The following ZMAT4 variants were observed in gnomAD, a reference collection of about 807,000 sequenced individuals.
The protein encoded by ZMAT4 is zinc finger matrin-type protein 4.
A neutral mutation model predicts 28.7 loss-of-function variants in ZMAT4; 17 were observed. The ratio of observed to expected loss-of-function variants is 0.59; its 90% CI spans 0.41 to 0.89. The LOEUF is 0.89. ZMAT4 is among the 40% of genes least tolerant of loss of function. ZMAT4 has a pLI of 0.00. For synonymous variants in ZMAT4, 117 were observed against 109.2 expected (o/e 1.07, Z -0.44); for missense variants, 240 against 283.8 (o/e 0.85, Z 1.11).
At chr8:40,806,359 T>C (rs953864260) in intron 2 of ZMAT4, among the ~76,000 whole-genome samples, 3 of 152,230 alleles carry the variant, frequency 2.0e-5, no homozygotes, top group African/African-American at 7.2e-5. Flanking sequence ...GCAATGACTT[T>C]ATTTCTTAAT....
Position 40,638,898 on chromosome 8 carries a change from C to T in ZMAT4, c.577+35806G>A, listed in dbSNP as rs180868534. 3.7e-4 allele frequency among the ~76,000 whole-genome samples: 57 copies of T among 152,292 alleles called. No homozygotes were observed. In the Middle Eastern group the frequency reaches 0.014, roughly 36 times the overall value. ...TATAAATATTAAGTCAACAGAAAAG[C>T]TTTTGTGAGTTTACGATAGTTGCAA... is the stretch of plus-strand genomic sequence containing the variant. On this transcript the variant is annotated intron_variant, in intron 5 of 6. Coordinates refer to ENST00000297737, the MANE Select transcript of ZMAT4 (RefSeq NM_024645.3).
In ZMAT4 at chr8:40,531,265, T is replaced by G. The variant is rs1178031757; in HGVS notation, c.*958A>C. ...CTGAGTCTTGGCTCAGCAGTAGGACTTCAGTGAGAAACAGAAGAAATAGGG... is the reference window on the plus strand; with the variant it reads ...CTGAGTCTTGGCTCAGCAGTAGGACGTCAGTGAGAAACAGAAGAAATAGGG... On this transcript the variant is annotated 3_prime_UTR_variant, in exon 7 of 7. Coordinates refer to ENST00000297737, the MANE Select transcript of ZMAT4 (RefSeq NM_024645.3). The G allele has an allele frequency of 1.3e-5, 2 of 152,166 alleles. No homozygotes were observed. The highest frequency in any genetic ancestry group is 6.5e-5 in the Admixed American group (1 of 15,274). 9.4% of individuals were successfully genotyped at this position (152,166 alleles called of 1,614,324 possible).
rs371951408 is a variant in ZMAT4, at chr8:40,799,207, G to GTGGATGGA, written c.102+26360_102+26367dup. Among the ~76,000 whole-genome samples, 120 of 72,608 alleles carry GTGGATGGA rather than the reference G, an allele frequency of 1.7e-3. 1 individual carries two copies. The highest frequency in any genetic ancestry group is 7.2e-3 in the South Asian group (15 of 2,096). The allele number at this position is 72,608 out of a possible 152,430, so 47.6% of individuals were successfully genotyped here. On this transcript the variant is annotated intron_variant, in intron 2 of 6. Transcript: ENST00000297737. Reference sequence around the variant, plus strand: ...GAGAGACAGAGAGAAGGATAGATGGGTGGATGGATGGATGGATGGATAGAT... The same window carrying GTGGATGGA: ...GAGAGACAGAGAGAAGGATAGATGGGTGGATGGATGGATGGATGGATGGATGGATAGAT...
At chr8:40,553,655 A>G (rs1326995713) in intron 6 of ZMAT4, among the ~76,000 whole-genome samples, 1 of 152,168 alleles carries the variant, frequency 6.6e-6, no homozygotes, top group South Asian at 2.1e-4. Context: ...AGGAAAAATT[A>G]CTATTCTCCA....
chr8:40,886,800 G>T (rs920119754), intron 1 of ZMAT4, among the ~76,000 whole-genome samples: 1 of 151,500 alleles, frequency 6.6e-6, no homozygotes, highest in South Asian at 2.1e-4. Context: ...CCCACATTCC[G>T]AAAATCCTCC....
chr8:40,632,164 G>C (rs1332576486), intron 5 of ZMAT4, among the ~76,000 whole-genome samples: 1 of 152,138 alleles, frequency 6.6e-6, no homozygotes, highest in East Asian at 1.9e-4. Flanking sequence ...GAAGTATTTG[G>C]TGCCTGAAGT....
chr8:40,619,051 A>G (rs1310360639), intron 5 of ZMAT4, among the ~76,000 whole-genome samples: 1 of 152,166 alleles, frequency 6.6e-6, no homozygotes, highest in Non-Finnish European at 1.5e-5. Flanking sequence ...GAGGTGAGGG[A>G]GTGGGTCAGT....
At chr8:40,655,289 C>T (rs1807866134) in intron 5 of ZMAT4, among the ~76,000 whole-genome samples, 1 of 151,822 alleles carries the variant, frequency 6.6e-6, no homozygotes, top group South Asian at 2.1e-4. Flanking sequence ...AAACCTATAA[C>T]ATATTGTTGA....
In ZMAT4 at chr8:40,827,314, G is replaced by A. The variant is rs116330995; in HGVS notation, c.-4-1634C>T. Among the ~76,000 whole-genome samples, 938 of 152,236 alleles carry A rather than the reference G, an allele frequency of 6.2e-3. 6 individuals carry two copies. Among genetic ancestry groups the A allele is most frequent in the African/African-American group, 0.021 (871 of 41,536 alleles). The stretch of plus-strand genomic sequence containing the variant: ...TATATGAGAAAGTGCTATATCAACC[G>A]TAAAACTCTCTGCATTTGAAAGGGA... On this transcript the variant is annotated intron_variant, in intron 1 of 6. Coordinates refer to ENST00000297737, the MANE Select transcript of ZMAT4 (RefSeq NM_024645.3).
chr8:40,722,411 G>A (rs1441534640), intron 3 of ZMAT4, among the ~76,000 whole-genome samples: 2 of 152,102 alleles, frequency 1.3e-5, no homozygotes, highest in African/African-American at 4.8e-5. Flanking sequence ...TAGTAGGGAG[G>A]GAATTTGTAT....
intron 4 of ZMAT4, among the ~76,000 whole-genome samples, chr8:40,676,864 C>A (rs1176676400): frequency 6.6e-6 from 1 of 152,124 alleles, no homozygotes; most frequent in Admixed American, 6.6e-5. Context: ...AGCAGCCACC[C>A]AGTATCATTC....
chr8:40,605,754 A>C (rs932296518), intron 5 of ZMAT4, among the ~76,000 whole-genome samples: 8 of 152,080 alleles, frequency 5.3e-5, no homozygotes, highest in Non-Finnish European at 1.0e-4. Flanking sequence ...AAGTGCTGTC[A>C]GTGGAGTATT....
intron 1 of ZMAT4, among the ~76,000 whole-genome samples, chr8:40,847,481 C>T (rs1050659040): frequency 6.6e-6 from 1 of 152,180 alleles, no homozygotes; most frequent in Non-Finnish European, 1.5e-5. Context: ...CCCAAAGCAA[C>T]TTAAGCCTCC....
chr8:40,716,037 T>C (rs1490818017), intron 3 of ZMAT4, among the ~76,000 whole-genome samples: 1 of 152,212 alleles, frequency 6.6e-6, no homozygotes, highest in Admixed American at 6.5e-5. Flanking sequence ...ACACTTGTCC[T>C]CCAATTTCCA....
At position 40,640,967 on chromosome 8, in the gene ZMAT4, A is replaced by G. The variant is rs546544078; in HGVS notation, c.577+33737T>C. ...GGGGAGACTCCATCTCAAAAAAAAA[A>G]AAAGAAAGAAAAAAGAAAAAAAAAA... On this transcript the variant is annotated intron_variant, in intron 5 of 6. Coordinates refer to ENST00000297737, the MANE Select transcript of ZMAT4 (RefSeq NM_024645.3). 3.9e-5 allele frequency among the ~76,000 whole-genome samples: 6 copies of G among 152,004 alleles called. No homozygotes were observed. In the South Asian group the frequency reaches 1.0e-3, roughly 26 times the overall value.
At position 40,786,631 on chromosome 8, in the gene ZMAT4, T is replaced by C. The variant is rs1420172285; in HGVS notation, c.103-18901A>G. On this transcript the variant is annotated intron_variant, in intron 2 of 6. Coordinates refer to ENST00000297737, the MANE Select transcript of ZMAT4 (RefSeq NM_024645.3). ...TCTCTTGTGAAATCTCAGCATCTCC[T>C]TCTGTGAACATCCATTCATTAACCA... 2.5e-6 allele frequency: 3 copies of C among 1,186,558 alleles called. No homozygotes were observed. In the African/African-American group the frequency reaches 4.7e-5, roughly 19 times the overall value. 73.5% of individuals were successfully genotyped at this position (1,186,558 alleles called of 1,614,324 possible).
At chr8:40,548,770 A>G (rs1803276368) in intron 6 of ZMAT4, among the ~76,000 whole-genome samples, 1 of 152,166 alleles carries the variant, frequency 6.6e-6, no homozygotes, top group Non-Finnish European at 1.5e-5. Flanking sequence ...AAAGACAGGA[A>G]TGAGGCTGAT....
chr8:40,735,119 A>G (rs1009153032), intron 3 of ZMAT4, among the ~76,000 whole-genome samples: 1 of 152,210 alleles, frequency 6.6e-6, no homozygotes, highest in Non-Finnish European at 1.5e-5. Context: ...ACTCTGCCTT[A>G]TCATTGCTCA....
chr8:40,724,905 C>T (rs753072278), intron 3 of ZMAT4, among the ~76,000 whole-genome samples: 12 of 152,192 alleles, frequency 7.9e-5, no homozygotes, highest in Non-Finnish European at 1.3e-4. Flanking sequence ...TGGGATGATA[C>T]CTTTAGCTCC....
Sources: gnomAD v4.1 joint callset for allele counts (sites outside exome capture counted in the v4.1 genomes callset) on GRCh38, gnomAD v4.1.1 for gene constraint, MANE v1.5 for transcripts, NCBI Gene and HGNC (gene_info 2026-07-23, HGNC 2026-07-21) for gene names.